CUX2: variants seen among roughly 807,000 people sequenced by gnomAD.
CUX2 encodes homeobox protein cut-like 2.
A neutral mutation model predicts 144.8 loss-of-function variants in CUX2; 40 were observed. The ratio of observed to expected loss-of-function variants is 0.28; its 90% CI spans 0.21 to 0.36. The LOEUF (loss-of-function observed/expected upper bound fraction) is 0.36, where lower values mean the gene tolerates loss of function less well. Among genes scored for constraint, CUX2 ranks in the 10% least tolerant of loss-of-function variants. The pLI is 1.00. For missense variants in CUX2, 1,615 were observed against 1,994.0 expected (o/e 0.81, Z 3.62); for synonymous variants, 827 against 875.6 (o/e 0.94, Z 0.98).
At chr12:111,193,957 C>T (rs1566287095) in intron 1 of CUX2, among the ~76,000 whole-genome samples, 2 of 122,568 alleles carry the variant, frequency 1.6e-5, no homozygotes, top group African/African-American at 7.8e-5. Flanking sequence ...GGTTGGGCTC[C>T]TCCGCAACCT....
chr12:111,243,281 A>C (rs770788775), intron 3 of CUX2, among the ~76,000 whole-genome samples: 2 of 152,182 alleles, frequency 1.3e-5, no homozygotes, highest in Admixed American at 1.3e-4. Flanking sequence ...AAGTCATTGT[A>C]TCATTTTACC....
At chr12:111,218,138 G>T (rs1463344116) in intron 3 of CUX2, among the ~76,000 whole-genome samples, 1 of 152,116 alleles carries the variant, frequency 6.6e-6, no homozygotes, top group African/African-American at 2.4e-5. Context: ...TGTTCATTTT[G>T]ACAGAATTCA....
At chr12:111,106,465 T>C (rs1873613540) in intron 1 of CUX2, among the ~76,000 whole-genome samples, 1 of 151,874 alleles carries the variant, frequency 6.6e-6, no homozygotes, top group African/African-American at 2.4e-5. Flanking sequence ...TCCTGGCTAA[T>C]ATTTTTATTT....
intron 14 of CUX2, among the ~76,000 whole-genome samples, chr12:111,308,766 C>A (rs1282855954): frequency 1.3e-5 from 2 of 152,218 alleles, no homozygotes; most frequent in Non-Finnish European, 1.5e-5. Context: ...AAGAGCTCCA[C>A]TCCCCACTGA....
At chr12:111,274,112 A>G (rs1884752673) in intron 4 of CUX2, among the ~76,000 whole-genome samples, 1 of 152,012 alleles carries the variant, frequency 6.6e-6, no homozygotes, top group Non-Finnish European at 1.5e-5. Context: ...TTATATTTTT[A>G]GTAGAGACGG....
In CUX2 at chr12:111,349,985, C is replaced by T. The variant is rs764584923; in HGVS notation, c.*1660C>T. On this transcript the variant is annotated 3_prime_UTR_variant, in exon 22 of 22. Coordinates refer to ENST00000261726, the MANE Select transcript of CUX2 (RefSeq NM_015267.4). ...TTCCAGAAATCCCAACTCTCACACC[C>T]AGCCCAGGCTGCAGTCTCCACACCA... The T allele has an allele frequency of 6.6e-6, 1 of 152,588 alleles. No homozygotes were observed. Among genetic ancestry groups the T allele is most frequent in the Non-Finnish European group, 1.5e-5 (1 of 68,054 alleles). 9.5% of individuals were successfully genotyped at this position (152,588 alleles called of 1,614,324 possible).
At chr12:111,344,096 TC>T (rs540631835) in intron 21 of CUX2, among the ~76,000 whole-genome samples, 22 of 152,332 alleles carry the variant, frequency 1.4e-4, no homozygotes, top group African/African-American at 4.8e-4. Flanking sequence ...ATCATCTGGC[TC>T]AGAGCAGAGC....
rs571472379 is a variant in CUX2, at chr12:111,061,999, A to G, written c.63+27759A>G. Among the ~76,000 whole-genome samples, 29 of 152,314 alleles carry G rather than the reference A, an allele frequency of 1.9e-4. 1 individual carries two copies. The South Asian group carries it at 5.8e-3, about 30-fold the overall frequency. On this transcript the variant is annotated intron_variant, in intron 1 of 21. Coordinates refer to ENST00000261726, the MANE Select transcript of CUX2 (RefSeq NM_015267.4). The surrounding 1 kb of genome is among the most constrained non-coding windows in gnomAD (Gnocchi z 4.2). ...TCGCCTCGCAGCCTCACTCACAGGG[A>G]GTGTCGGCAGGGTTAGATGAGTGAA...
At chr12:111,098,593 C>T (rs939710767) in intron 1 of CUX2, among the ~76,000 whole-genome samples, 2 of 152,190 alleles carry the variant, frequency 1.3e-5, no homozygotes, top group African/African-American at 2.4e-5. Context: ...CACATCTTGA[C>T]GCTCGGGGAC....
intron 4 of CUX2, among the ~76,000 whole-genome samples, chr12:111,275,999 TC>T (rs1321514622): frequency 1.3e-5 from 2 of 152,178 alleles, no homozygotes; most frequent in Non-Finnish European, 2.9e-5. Flanking sequence ...TGATACAAGA[TC>T]CCGATTTTCT....
intron 1 of CUX2, among the ~76,000 whole-genome samples, chr12:111,043,895 G>C (rs1277279528): frequency 6.6e-6 from 1 of 152,156 alleles, no homozygotes; most frequent in Non-Finnish European, 1.5e-5. Flanking sequence ...AATGCATCTT[G>C]CCCATCTTCG....
At chr12:111,303,744 T>C (rs965591787) in intron 9 of CUX2, among the ~76,000 whole-genome samples, 1 of 152,140 alleles carries the variant, frequency 6.6e-6, no homozygotes, top group African/African-American at 2.4e-5. Flanking sequence ...GCAGATGCCG[T>C]GTCTGGGACT....
intron 1 of CUX2, among the ~76,000 whole-genome samples, chr12:111,210,631 C>T (rs1346744845): frequency 6.6e-6 from 1 of 151,748 alleles, no homozygotes; most frequent in Admixed American, 6.6e-5. Flanking sequence ...TGTCTCTACC[C>T]CAAAAAAATG....
chr12:111,181,207 T>C (rs1403573557), intron 1 of CUX2, among the ~76,000 whole-genome samples: 2 of 152,260 alleles, frequency 1.3e-5, no homozygotes, highest in Non-Finnish European at 1.5e-5. Flanking sequence ...AGGAGTTTCA[T>C]TGCAGCAAAA....
chr12:111,054,027 G>A (rs538262193), intron 1 of CUX2, among the ~76,000 whole-genome samples: 5 of 152,196 alleles, frequency 3.3e-5, no homozygotes, highest in Admixed American at 6.5e-5. Context: ...GGTGGCACAC[G>A]CCTGTAATCC....
intron 1 of CUX2, among the ~76,000 whole-genome samples, chr12:111,084,903 C>G (rs933695978): frequency 1.3e-5 from 2 of 152,150 alleles, no homozygotes; most frequent in Non-Finnish European, 2.9e-5. Flanking sequence ...ACCTCACCCC[C>G]TCTTCTCCCA....
intron 1 of CUX2, among the ~76,000 whole-genome samples, chr12:111,213,026 C>T (rs536632731): frequency 6.6e-5 from 10 of 152,326 alleles, no homozygotes; most frequent in African/African-American, 2.2e-4. Context: ...GGTGCCGGGC[C>T]TCATCATACA....
chr12:111,150,508 T>C (rs1454144173), intron 1 of CUX2, among the ~76,000 whole-genome samples: 3 of 152,210 alleles, frequency 2.0e-5, no homozygotes, highest in East Asian at 1.9e-4. Flanking sequence ...TCTCTCACTT[T>C]GGTTTTTCCC....
At chr12:111,092,698 G>T (rs1314775471) in intron 1 of CUX2, among the ~76,000 whole-genome samples, 1 of 151,948 alleles carries the variant, frequency 6.6e-6, no homozygotes, top group Non-Finnish European at 1.5e-5. Flanking sequence ...TAATAAAGCT[G>T]GCAAATAGGA....
Sources: gnomAD v4.1 joint callset for allele counts (sites outside exome capture counted in the v4.1 genomes callset) on GRCh38, gnomAD v4.1.1 for gene constraint, Gnocchi (gnomAD v3.1) non-coding constraint, MANE v1.5 for transcripts, NCBI Gene and HGNC (gene_info 2026-07-23, HGNC 2026-07-21) for gene names.